Variants in GRIN2B observed in about 807,000 individuals in gnomAD.
GRIN2B encodes the protein glutamate receptor ionotropic, NMDA 2B.
GRIN2B carries 5 observed loss-of-function variants against 114.5 expected under a neutral mutation model. That is an observed-to-expected ratio of 0.04 (90% CI 0.02 to 0.09). GRIN2B has a LOEUF of 0.09. Among genes scored for constraint, GRIN2B ranks in the 10% least tolerant of loss-of-function variants. GRIN2B has a pLI of 1.00. For missense variants in GRIN2B, 1,108 were observed against 1,943.5 expected (o/e 0.57, Z 8.08); for synonymous variants, 787 against 745.1 (o/e 1.06, Z -0.92).
intron 4 of GRIN2B, among the ~76,000 whole-genome samples, chr12:13,702,691 T>C (rs961393144): frequency 6.6e-6 from 1 of 152,092 alleles, no homozygotes; most frequent in Admixed American, 6.6e-5. Flanking sequence ...AAATACCCCA[T>C]AAAGACGGAC....
chr12:13,838,735 T>C (rs1490911479), intron 3 of GRIN2B, among the ~76,000 whole-genome samples: 1 of 152,044 alleles, frequency 6.6e-6, no homozygotes, highest in Non-Finnish European at 1.5e-5. Context: ...AGCAATCTAA[T>C]AGGAAGGGCG....
chr12:13,792,676 C>G (rs1310407219), intron 3 of GRIN2B, among the ~76,000 whole-genome samples: 1 of 152,186 alleles, frequency 6.6e-6, no homozygotes, highest in African/African-American at 2.4e-5. Flanking sequence ...AAGAAGACCG[C>G]AGGGTCTGAA....
chr12:13,867,235 T>C (rs1406763857), intron 2 of GRIN2B, among the ~76,000 whole-genome samples: 1 of 152,204 alleles, frequency 6.6e-6, no homozygotes, highest in Non-Finnish European at 1.5e-5. Context: ...ATACCGTATT[T>C]TCATATAATT....
chr12:13,670,112 T>TC, intron 5 of GRIN2B, among the ~76,000 whole-genome samples: 1 of 152,128 alleles, frequency 6.6e-6, no homozygotes, highest in South Asian at 2.1e-4. Flanking sequence ...CTGAGTACTA[T>TC]CATGGGTTCA....
intron 3 of GRIN2B, among the ~76,000 whole-genome samples, chr12:13,755,203 C>A (rs1429824248): frequency 6.6e-6 from 1 of 152,192 alleles, no homozygotes; most frequent in African/African-American, 2.4e-5. Flanking sequence ...AACAAAATTA[C>A]ATAGTGGTTT....
At chr12:13,859,824 G>C (rs141918455) in intron 3 of GRIN2B, among the ~76,000 whole-genome samples, 32 of 152,220 alleles carry the variant, frequency 2.1e-4, no homozygotes, top group Non-Finnish European at 4.4e-4. Context: ...CATCATGCCT[G>C]GTTCAAAATT....
rs1288548971 is a variant in GRIN2B at position 13,563,037 on chromosome 12, T to C, written c.4201A>G (p.Ser1401Gly). 1 of 1,613,882 alleles carries C rather than the reference T, an allele frequency of 6.2e-7. No individual in the cohort carries two copies. Among genetic ancestry groups the C allele is most frequent in the Non-Finnish European group, 8.5e-7 (1 of 1,179,882 alleles). Residue 1401 changes from serine to glycine, a missense_variant, in exon 14 of 14, where the codon AGC (serine) becomes GGC (glycine). Ser to Gly is a moderately conservative substitution (Grantham distance 56, BLOSUM62 0). This residue lies in a region of GRIN2B where 478 missense variants were observed against 506.0 expected (regional missense o/e 0.94). Transcript: ENST00000609686. The stretch of plus-strand genomic sequence containing the variant: ...GGCTGCCTGAAGAAGTAGGATTTGC[T>C]GCCATGGAGCAAGCACTGGTCGTCC... ...FGDDQCLLHG[S>G]KSYFFRQPTV...
intron 2 of GRIN2B, among the ~76,000 whole-genome samples, chr12:13,904,453 C>T (rs899544966): frequency 4.6e-5 from 7 of 152,018 alleles, no homozygotes; most frequent in South Asian, 2.1e-4. Flanking sequence ...CTAATTTATA[C>T]GTACACTTTT....
At chr12:13,865,719 A>G in intron 3 of GRIN2B, 79 bp downstream of exon 3, 2 of 1,188,830 alleles carry the variant, frequency 1.7e-6, no homozygotes, top group Non-Finnish European at 2.5e-6. Flanking sequence ...ATTAACAATC[A>G]AGTTTTACAG....
intron 4 of GRIN2B, among the ~76,000 whole-genome samples, chr12:13,688,735 T>A (rs913166604): frequency 6.6e-6 from 1 of 152,204 alleles, no homozygotes; most frequent in Non-Finnish European, 1.5e-5. Context: ...CAAAAACTTA[T>A]CCTGCTTTGG....
chr12:13,595,568 C>A (rs919553760), intron 10 of GRIN2B, among the ~76,000 whole-genome samples: 2 of 152,202 alleles, frequency 1.3e-5, no homozygotes, highest in African/African-American at 4.8e-5. Flanking sequence ...TGGGAGCACC[C>A]TGTCTGGTGC....
At chr12:13,602,902 T>C (rs1949181171) in intron 10 of GRIN2B, among the ~76,000 whole-genome samples, 1 of 152,206 alleles carries the variant, frequency 6.6e-6, no homozygotes, top group Non-Finnish European at 1.5e-5. Flanking sequence ...CAGGCATGTG[T>C]CACAATGGTG....
At chr12:13,776,089 T>C (rs1863997564) in intron 3 of GRIN2B, among the ~76,000 whole-genome samples, 1 of 152,182 alleles carries the variant, frequency 6.6e-6, no homozygotes, top group Non-Finnish European at 1.5e-5. Context: ...TGGGATACTA[T>C]GCAGCCATGA....
chr12:13,924,404 C>G (rs1047041116), intron 2 of GRIN2B, among the ~76,000 whole-genome samples: 4 of 152,170 alleles, frequency 2.6e-5, no homozygotes, highest in Non-Finnish European at 4.4e-5. Context: ...CCTGCTCCCC[C>G]AAAGAAGAAA....
At chr12:13,618,792 G>A (rs915482054) in intron 5 of GRIN2B, among the ~76,000 whole-genome samples, 1 of 152,192 alleles carries the variant, frequency 6.6e-6, no homozygotes, top group Admixed American at 6.5e-5. Flanking sequence ...GGTATTAAGA[G>A]CTAACATGGA....
In GRIN2B at chr12:13,559,660, AT is replaced by A. The variant is rs1421467768; in HGVS notation, c.*3122del. 1 of 152,186 alleles carries A rather than the reference AT, an allele frequency of 6.6e-6. No individual in the cohort carries two copies. Among genetic ancestry groups the A allele is most frequent in the Non-Finnish European group, 1.5e-5 (1 of 68,028 alleles). 9.4% of individuals were successfully genotyped at this position (152,186 alleles called of 1,614,324 possible). A position where few individuals can be genotyped will look rare whatever the true frequency, so the allele number is the denominator to read the frequency against. ...TCATCTTTTCTAGAAAAGCATGCAA[AT>A]TTGTAAGACACATATCCAGCACTAC... is the stretch of plus-strand genomic sequence containing the variant. On this transcript the variant is annotated 3_prime_UTR_variant, in exon 14 of 14. Transcript: ENST00000609686.
intron 2 of GRIN2B, among the ~76,000 whole-genome samples, chr12:13,922,461 C>T (rs1866840694): frequency 6.6e-6 from 1 of 152,198 alleles, no homozygotes; most frequent in Non-Finnish European, 1.5e-5. Flanking sequence ...TGAAATAATA[C>T]ATTTTGACTC....
At chr12:13,936,579 A>T (rs1867133721) in intron 2 of GRIN2B, among the ~76,000 whole-genome samples, 2 of 152,202 alleles carry the variant, frequency 1.3e-5, no homozygotes, top group South Asian at 4.1e-4. Context: ...TTAAGCTGCA[A>T]GAATTAATAC....
intron 3 of GRIN2B, among the ~76,000 whole-genome samples, chr12:13,772,029 C>A (rs1035339614): frequency 2.0e-5 from 3 of 152,250 alleles, no homozygotes; most frequent in Non-Finnish European, 4.4e-5. Context: ...TGCTATGATT[C>A]CTGGCCCAAG....
Sources: gnomAD v4.1 joint callset for allele counts (sites outside exome capture counted in the v4.1 genomes callset) on GRCh38, gnomAD v4.1.1 for gene constraint, gnomAD v4.1.1 regional missense constraint, MANE v1.5 for transcripts, NCBI Gene and HGNC (gene_info 2026-07-23, HGNC 2026-07-21) for gene names.